Variants in RNF213 observed in about 807,000 individuals in gnomAD.
RNF213 encodes the protein ring finger protein 213.
RNF213 carries 341 observed loss-of-function variants against 514.4 expected under a neutral mutation model. That is an observed-to-expected ratio of 0.66 (90% CI 0.61 to 0.73). The LOEUF is 0.73. Among genes scored for constraint, RNF213 ranks in the 30% least tolerant of loss-of-function variants. The pLI is 0.00. For missense variants in RNF213, 5,767 were observed against 6,615.6 expected (o/e 0.87, Z 4.45); for synonymous variants, 2,655 against 2,658.2 (o/e 1.00, Z 0.04).
At chr17:80,329,810 G>T (rs1204142903) in intron 20 of RNF213, among the ~76,000 whole-genome samples, 1 of 152,210 alleles carries the variant, frequency 6.6e-6, no homozygotes, top group Non-Finnish European at 1.5e-5. Flanking sequence ...CAGCTTGGGT[G>T]ACAGAGTGGG....
intron 36 of RNF213, among the ~76,000 whole-genome samples, chr17:80,356,114 G>GC (rs1298756740): frequency 6.6e-6 from 1 of 151,684 alleles, no homozygotes; most frequent in Non-Finnish European, 1.5e-5. Flanking sequence ...CGATTCTCCT[G>GC]CCTCAGACTC....
rs74000503 is a variant in RNF213 at position 80,382,378 on chromosome 17, A to T, written c.13979-601A>T. 574 of 157,474 alleles carry T rather than the reference A, an allele frequency of 3.6e-3. 4 individuals are homozygous for T. Among genetic ancestry groups the T allele is most frequent in the African/African-American group, 0.013 (533 of 41,658 alleles). The allele number at this position is 157,474 out of a possible 1,614,324, so 9.8% of individuals were successfully genotyped here. A position where few individuals can be genotyped will look rare whatever the true frequency, so the allele number is the denominator to read the frequency against. ...AAATCACAATGACCATTGTGAGGACAATGTTAATTTAAAATAATAACAATA... is the reference window on the plus strand; with the variant it reads ...AAATCACAATGACCATTGTGAGGACTATGTTAATTTAAAATAATAACAATA... On this transcript the variant is annotated intron_variant, in intron 57 of 67. Coordinates refer to ENST00000582970, the MANE Select transcript of RNF213 (RefSeq NM_001256071.3).
At position 80,327,961 on chromosome 17, in the gene RNF213, G is replaced by C. The variant is rs1360064643; in HGVS notation, c.3339G>C (p.Lys1113Asn). Reference protein sequence around the residue: ...VGQLELIIKHKNQFLDIWQLR... With the variant: ...VGQLELIIKHNNQFLDIWQLR... Reference sequence around the variant, plus strand: ...AACTGGAGCTGATTATAAAGCACAAGAATCAGTTTCTTGACATCTGGCAAC... The same window carrying C: ...AACTGGAGCTGATTATAAAGCACAACAATCAGTTTCTTGACATCTGGCAAC... The change falls in exon 19 of 68, where the codon AAG (lysine) becomes AAC (asparagine). Residue 1113 changes from lysine to asparagine, a missense_variant. Around this residue, in one of 13 missense-constraint regions of RNF213, gnomAD observed 516 missense variants for 566.5 expected, o/e 0.91. Coordinates refer to ENST00000582970, the MANE Select transcript of RNF213 (RefSeq NM_001256071.3). 10 of 1,537,260 alleles carry C rather than the reference G, an allele frequency of 6.5e-6. No homozygotes were observed. The highest frequency in any genetic ancestry group is 7.0e-6 in the Non-Finnish European group (8 of 1,146,916).
At chr17:80,319,645 T>C in intron 17 of RNF213, 3 of 1,503,514 alleles carry the variant, frequency 2.0e-6, no homozygotes, top group Non-Finnish European at 2.7e-6. Flanking sequence ...TTTGATTGAT[T>C]GTTAACACTT....
In RNF213 at chr17:80,345,040, C is replaced by T. The variant is rs2078263766; in HGVS notation, c.6705C>T (p.Cys2235=). ...QLRDCEASLF[C]NPSFIGDTLR... is the part of the protein sequence containing the mutation. ...GAGATTGTGAGGCCTCTCTCTTCTG[C>T]AATCCGAGTTTTATTGGCGACACAC... The change falls in exon 29 of 68, where the codon TGC becomes TGT. Residue 2235 remains cysteine, a synonymous_variant. Coordinates refer to ENST00000582970, the MANE Select transcript of RNF213 (RefSeq NM_001256071.3). This position sits in a 1 kb window ranked among gnomAD's most constrained non-coding sequence, Gnocchi z 6.0. The T allele has an allele frequency of 1.2e-6, 2 of 1,614,120 alleles. No homozygotes were observed. The highest frequency in any genetic ancestry group is 1.1e-5 in the South Asian group (1 of 91,074).
At chr17:80,319,429 T>C in intron 17 of RNF213, 117 bp downstream of exon 17, 1 of 1,614,182 alleles carries the variant, frequency 6.2e-7, no homozygotes, top group South Asian at 1.1e-5. Flanking sequence ...ACTCAGAGAT[T>C]GGGAAGTGGG....
chr17:80,361,087 A>G (rs1465897640), intron 38 of RNF213, among the ~76,000 whole-genome samples: 1 of 152,214 alleles, frequency 6.6e-6, no homozygotes, highest in African/African-American at 2.4e-5. Context: ...GGGTTCCTGA[A>G]GCATGCTGTG....
Position 80,347,644 on chromosome 17 carries a change from C to G in RNF213, c.9309C>G (p.Leu3103=). ...CMETGKMVLL[L]NLQNLYESLY... ...AAACAGGCAAGATGGTGTTGCTTCT[C>G]AACCTGCAGAACCTCTACGAGAGCC... The change falls in exon 29 of 68, where the codon CTC becomes CTG. Residue 3103 remains leucine, a synonymous_variant. Coordinates refer to ENST00000582970, the MANE Select transcript of RNF213 (RefSeq NM_001256071.3). This position sits in a 1 kb window ranked among gnomAD's most constrained non-coding sequence, Gnocchi z 7.2. 6.2e-7 allele frequency: 1 copy of G among 1,614,196 alleles called. No homozygotes were observed. Among genetic ancestry groups the G allele is most frequent in the Non-Finnish European group, 8.5e-7 (1 of 1,180,042 alleles).
chr17:80,275,205 G>A (rs1159496152), intron 3 of RNF213, among the ~76,000 whole-genome samples: 1 of 151,290 alleles, frequency 6.6e-6, no homozygotes, highest in African/African-American at 2.4e-5. Flanking sequence ...TGGGAGTGGG[G>A]TGTGTGTGTG....
In RNF213 at chr17:80,369,542, A is replaced by G. The variant is rs1568145888; in HGVS notation, c.12196A>G (p.Asn4066Asp). Residue 4066 changes from asparagine (N) to aspartate (D), a missense_variant, in exon 45 of 68, where the codon AAC becomes GAC. By Grantham distance (23) the Asn-to-Asp change is conservative. Around this residue, in one of 13 missense-constraint regions of RNF213, gnomAD observed 93 missense variants for 95.6 expected, o/e 0.97. Transcript: ENST00000582970. ...GCATGCCCGCTTCCGGCAGATGTGC[A>G]ACAGTTTCTTCGTAGACCTGGTGTC... is the stretch of plus-strand genomic sequence containing the variant. ...EKHARFRQMC[N>D]SFFVDLVSTI... The G allele has an allele frequency of 6.2e-7, 1 of 1,614,166 alleles. No individual in the cohort carries two copies. The highest frequency in any genetic ancestry group is 1.7e-5 in the Admixed American group (1 of 60,036).
Position 80,353,737 on chromosome 17 carries a change from T to A in RNF213, c.10578+71T>A. ...TTCTGAGCTGCATCTTTAAACGCTT[T>A]TGCATTGGGAGCTAGAGGAGTCGCC... On this transcript the variant is annotated intron_variant, in intron 34 of 67. Transcript: ENST00000582970. The surrounding 1 kb of genome is among the most constrained non-coding windows in gnomAD (Gnocchi z 5.0). The A allele has an allele frequency of 6.2e-7, 1 of 1,601,958 alleles. No individual in the cohort carries two copies.
chr17:80,388,929 C>A, intron 64 of RNF213: 1 of 621,946 alleles, frequency 1.6e-6, no homozygotes, highest in Non-Finnish European at 2.9e-6. Context: ...GCCATGCCTG[C>A]TGAAGCGGGA....
chr17:80,268,314 A>G (rs1290605055), intron 2 of RNF213, among the ~76,000 whole-genome samples: 1 of 135,598 alleles, frequency 7.4e-6, no homozygotes, highest in Non-Finnish European at 1.5e-5. Flanking sequence ...TGATCATACC[A>G]CTGCACTCCA....
intron 36 of RNF213, among the ~76,000 whole-genome samples, chr17:80,357,566 G>T (rs2078879989): frequency 6.6e-6 from 1 of 152,106 alleles, no homozygotes; most frequent in African/African-American, 2.4e-5. Context: ...ATCTACAACA[G>T]ATTTTTAAAA....
rs1431904567 is a variant in RNF213, at chr17:80,351,674, T to C, written c.10185-11T>C. 1 of 1,339,190 alleles carries C rather than the reference T, an allele frequency of 7.5e-7. No homozygotes were observed. Among genetic ancestry groups the C allele is most frequent in the African/African-American group, 1.4e-5 (1 of 69,070 alleles). 83.0% of individuals were successfully genotyped at this position (1,339,190 alleles called of 1,614,324 possible). ...TTTAAAATAGGTATTCTTTTTTTTT[T>C]CTTTAAATAGGTATTCTGTTATAAA... On this transcript the variant is annotated splice_polypyrimidine_tract_variant and intron_variant, in intron 31 of 67. Coordinates refer to ENST00000582970, the MANE Select transcript of RNF213 (RefSeq NM_001256071.3).
chr17:80,390,500 G>A (rs1459821542), intron 67 of RNF213, among the ~76,000 whole-genome samples: 3 of 151,002 alleles, frequency 2.0e-5, no homozygotes, highest in East Asian at 1.9e-4. Context: ...AGGTTCAAGC[G>A]AGTCTCATGC....
chr17:80,353,395 C>T lies in RNF213; in HGVS notation c.10424-117C>T. On this transcript the variant is annotated intron_variant, in intron 33 of 67. Transcript: ENST00000582970. The surrounding 1 kb of genome is among the most constrained non-coding windows in gnomAD (Gnocchi z 5.0). ...CTCATCTGGGGACCTAGCACCACAG[C>T]AGGGGCCGGGGAAGCCTGCACTCGG... 2.5e-6 allele frequency: 3 copies of T among 1,195,408 alleles called. No homozygotes were observed. The highest frequency in any genetic ancestry group is 1.5e-5 in the African/African-American group (1 of 66,206). 74.1% of individuals were successfully genotyped at this position (1,195,408 alleles called of 1,614,324 possible).
intron 3 of RNF213, chr17:80,278,663 C>T: frequency 6.9e-7 from 1 of 1,446,276 alleles, no homozygotes; most frequent in East Asian, 2.5e-5. Flanking sequence ...TGGGCCTTCC[C>T]AAGAGGAGGT....
intron 60 of RNF213, 127 bp from the exon 61 acceptor site, chr17:80,385,411 C>T (rs2080194357): frequency 3.2e-6 from 3 of 937,408 alleles, no homozygotes; most frequent in Admixed American, 3.9e-5. Context: ...TCAAACAGCA[C>T]CTCAGACATG....
Sources: gnomAD v4.1 joint callset for allele counts (sites outside exome capture counted in the v4.1 genomes callset) on GRCh38, gnomAD v4.1.1 for gene constraint, gnomAD v4.1.1 regional missense constraint, Gnocchi (gnomAD v3.1) non-coding constraint, MANE v1.5 for transcripts, NCBI Gene and HGNC (gene_info 2026-07-23, HGNC 2026-07-21) for gene names.